The following SLCO5A1 variants were observed in gnomAD, a reference collection of about 807,000 sequenced individuals.
SLCO5A1 encodes the protein solute carrier organic anion transporter family member 5A1, also known as organic anion transporter polypeptide-related protein 4.
Under a neutral mutation model 65.1 loss-of-function variants are expected in SLCO5A1, and 39 were observed. The observed-to-expected ratio is 0.60, with a 90% confidence interval of 0.46 to 0.78. The LOEUF (loss-of-function observed/expected upper bound fraction) is 0.78, where lower values mean the gene tolerates loss of function less well. Among genes scored for constraint, SLCO5A1 ranks in the 30% least tolerant of loss-of-function variants. The probability of loss-of-function intolerance (pLI) is 0.00; values close to 1 mark genes in which losing one functional copy is unlikely to be tolerated. For synonymous variants in SLCO5A1, 438 were observed against 415.7 expected (o/e 1.05, Z -0.65); for missense variants, 1,029 against 1,069.4 (o/e 0.96, Z 0.53).
intron 2 of SLCO5A1, among the ~76,000 whole-genome samples, chr8:69,775,443 C>A (rs1818517811): frequency 1.3e-5 from 2 of 151,948 alleles, no homozygotes; most frequent in South Asian, 4.1e-4. Context: ...TGCACATGTA[C>A]CCTAGAACTT....
At chr8:69,722,160 A>G (rs969676648) in intron 5 of SLCO5A1, among the ~76,000 whole-genome samples, 1 of 152,174 alleles carries the variant, frequency 6.6e-6, no homozygotes, top group African/African-American at 2.4e-5. Context: ...GACAGAGCAA[A>G]GACTCCGTCT....
chr8:69,782,568 A>G (rs1356703337), intron 2 of SLCO5A1, among the ~76,000 whole-genome samples: 54 of 149,530 alleles, frequency 3.6e-4, no homozygotes, highest in Non-Finnish European at 5.8e-4. Context: ...AGACAGAGCA[A>G]GACCCTGTCT....
rs1159144075 is a variant in SLCO5A1 at position 69,787,900 on chromosome 8, G to A, written c.908-26025C>T. On this transcript the variant is annotated intron_variant, in intron 2 of 9. Coordinates refer to ENST00000260126, the MANE Select transcript of SLCO5A1 (RefSeq NM_030958.3). Reference sequence around the variant, plus strand: ...TTCAAGAGGGTGTTCTACACAAACTGACTTAAAAACACTCTTTTTACAATG... The same window carrying A: ...TTCAAGAGGGTGTTCTACACAAACTAACTTAAAAACACTCTTTTTACAATG... Among the ~76,000 whole-genome samples the A allele has an allele frequency of 2.6e-5, 4 of 152,204 alleles. No individual in the cohort carries two copies. In the East Asian group the frequency reaches 7.7e-4, roughly 29 times the overall value.
intron 3 of SLCO5A1, among the ~76,000 whole-genome samples, chr8:69,757,703 A>C (rs1241418149): frequency 6.6e-6 from 1 of 152,160 alleles, no homozygotes; most frequent in African/African-American, 2.4e-5. Context: ...ATAACTAAAA[A>C]GGTCATCTGT....
In SLCO5A1 at chr8:69,738,022, C is replaced by A; in HGVS notation, c.1423+18G>T. ...AAAATGATCATGTTTTCAAGCAGCC[C>A]TAGCGGCAGTGCCTTACCAGTGTAG... On this transcript the variant is annotated intron_variant, in intron 5 of 9. Transcript: ENST00000260126. 6.2e-7 allele frequency: 1 copy of A among 1,610,010 alleles called. No individual in the cohort carries two copies. Among genetic ancestry groups the A allele is most frequent in the Non-Finnish European group, 8.5e-7 (1 of 1,177,938 alleles).
At chr8:69,726,617 AGCC>A (rs1321629775) in intron 5 of SLCO5A1, among the ~76,000 whole-genome samples, 2 of 150,610 alleles carry the variant, frequency 1.3e-5, no homozygotes, top group Non-Finnish European at 2.9e-5. Flanking sequence ...CTCCCACCTC[AGCC>A]TCCTGAGTAG....
chr8:69,684,263 G>A (rs1450958329), intron 6 of SLCO5A1, among the ~76,000 whole-genome samples: 3 of 152,150 alleles, frequency 2.0e-5, no homozygotes, highest in African/African-American at 7.2e-5. Context: ...GCAACGTCAG[G>A]AGACAATTTT....
intron 5 of SLCO5A1, among the ~76,000 whole-genome samples, chr8:69,733,589 G>A (rs1816429219): frequency 6.6e-6 from 1 of 152,198 alleles, no homozygotes; most frequent in Non-Finnish European, 1.5e-5. Context: ...TAATCTCCAT[G>A]TATCAAGGGA....
intron 6 of SLCO5A1, among the ~76,000 whole-genome samples, chr8:69,700,933 GA>G (rs1814707233): frequency 2.6e-5 from 4 of 152,174 alleles, no homozygotes; most frequent in Non-Finnish European, 1.5e-5. Context: ...CCATCAAAAT[GA>G]GGGAGTAAAT....
At chr8:69,773,263 G>C (rs1818413879) in intron 2 of SLCO5A1, among the ~76,000 whole-genome samples, 1 of 152,180 alleles carries the variant, frequency 6.6e-6, no homozygotes, top group African/African-American at 2.4e-5. Context: ...CGGCAGTACA[G>C]AACTGGCTCC....
intron 2 of SLCO5A1, among the ~76,000 whole-genome samples, chr8:69,807,913 C>T (rs1473372101): frequency 6.6e-6 from 1 of 152,142 alleles, no homozygotes; most frequent in Admixed American, 6.5e-5. Flanking sequence ...CCATGTTAGC[C>T]AGGATGGTCT....
chr8:69,736,502 C>T (rs1294220623), intron 5 of SLCO5A1, among the ~76,000 whole-genome samples: 1 of 152,164 alleles, frequency 6.6e-6, no homozygotes, highest in Non-Finnish European at 1.5e-5. Context: ...GCTCTGCTCC[C>T]TAGTCTGGCT....
At chr8:69,779,118 C>G (rs1221251308) in intron 2 of SLCO5A1, among the ~76,000 whole-genome samples, 1 of 152,128 alleles carries the variant, frequency 6.6e-6, no homozygotes, top group African/African-American at 2.4e-5. Context: ...CTATCTGACC[C>G]TTTATATAAA....
At chr8:69,706,951 CA>C (rs556047078) in intron 5 of SLCO5A1, among the ~76,000 whole-genome samples, 71 of 152,180 alleles carry the variant, frequency 4.7e-4, no homozygotes, top group African/African-American at 1.6e-3. Flanking sequence ...AGTTCGAGAC[CA>C]GCCTGGCTAA....
chr8:69,679,813 C>T (rs1813692021), intron 7 of SLCO5A1, among the ~76,000 whole-genome samples, 194 bp from the exon 8 acceptor site: 1 of 152,204 alleles, frequency 6.6e-6, no homozygotes, highest in Non-Finnish European at 1.5e-5. Flanking sequence ...GAATCAAAGT[C>T]TGCTGGTCAA....
At chr8:69,778,228 GGTGTGTGTGTGT>G (rs71556783) in intron 2 of SLCO5A1, among the ~76,000 whole-genome samples, 5 of 142,942 alleles carry the variant, frequency 3.5e-5, no homozygotes, top group South Asian at 2.2e-4. Context: ...ATATGTATGG[GGTGTGTGTGTGT>G]GTGTGTGTGT....
intron 2 of SLCO5A1, among the ~76,000 whole-genome samples, chr8:69,767,889 CAAAAAAA>C (rs746004982): frequency 2.1e-3 from 74 of 35,022 alleles, no homozygotes; most frequent in Non-Finnish European, 3.1e-3. Flanking sequence ...GACTCCATCT[CAAAAAAA>C]AAAAAAAAAA....
chr8:69,804,527 G>A (rs1464257925), intron 2 of SLCO5A1, among the ~76,000 whole-genome samples: 1 of 152,060 alleles, frequency 6.6e-6, no homozygotes, highest in Non-Finnish European at 1.5e-5. Context: ...TGTTGCCCAG[G>A]CTGTTCTCAA....
intron 2 of SLCO5A1, among the ~76,000 whole-genome samples, chr8:69,819,740 T>A (rs1820558440): frequency 6.6e-6 from 1 of 152,148 alleles, no homozygotes; most frequent in South Asian, 2.1e-4. Context: ...GGTGGGCAGA[T>A]CACCTGAGGT....
Sources: gnomAD v4.1 joint callset for allele counts (sites outside exome capture counted in the v4.1 genomes callset) on GRCh38, gnomAD v4.1.1 for gene constraint, MANE v1.5 for transcripts, NCBI Gene and HGNC (gene_info 2026-07-23, HGNC 2026-07-21) for gene names.